The following GAPVD1 variants were observed in gnomAD, a reference collection of about 807,000 sequenced individuals.
The protein encoded by GAPVD1 is GTPase-activating protein and VPS9 domain-containing protein 1.
In GAPVD1, 35 loss-of-function variants were observed where a neutral mutation model predicts 155.5. That is an observed-to-expected ratio of 0.23 (90% CI 0.17 to 0.30). The LOEUF (loss-of-function observed/expected upper bound fraction) is 0.30, where lower values mean the gene tolerates loss of function less well. Among genes scored for constraint, GAPVD1 ranks in the 10% least tolerant of loss-of-function variants. GAPVD1 has a pLI of 1.00. For synonymous variants in GAPVD1, 636 were observed against 619.7 expected (o/e 1.03, Z -0.39); for missense variants, 1,429 against 1,775.7 (o/e 0.80, Z 3.51).
At chr9:125,307,962 A>G in intron 8 of GAPVD1, 82 bp downstream of exon 8, 1 of 968,988 alleles carries the variant, frequency 1.0e-6, no homozygotes, top group Non-Finnish European at 1.7e-6. Flanking sequence ...GTTTTGGAAC[A>G]TATGTTTAAG....
At chr9:125,333,571 C>T (rs1166530227) in intron 15 of GAPVD1, among the ~76,000 whole-genome samples, 2 of 150,876 alleles carry the variant, frequency 1.3e-5, no homozygotes, top group South Asian at 2.1e-4. Context: ...TCACCACAAC[C>T]TCTGTCTCCC....
At chr9:125,309,184 A>G (rs986034468) in intron 8 of GAPVD1, 1 of 152,110 alleles carries the variant, frequency 6.6e-6, no homozygotes, top group Non-Finnish European at 1.5e-5. Context: ...AATCTACCTT[A>G]TATTTAACGT....
chr9:125,264,995 T>C (rs569259707), intron 1 of GAPVD1, among the ~76,000 whole-genome samples: 1 of 152,202 alleles, frequency 6.6e-6, no homozygotes, highest in South Asian at 2.1e-4. Flanking sequence ...CTAGGATTAT[T>C]GGCGTGAGCC....
intron 11 of GAPVD1, among the ~76,000 whole-genome samples, chr9:125,326,001 A>C (rs950640302): frequency 6.6e-6 from 1 of 152,222 alleles, no homozygotes; most frequent in Non-Finnish European, 1.5e-5. Context: ...CCACATATAC[A>C]CTACCTGCCT....
chr9:125,313,820 C>T (rs779548674), intron 9 of GAPVD1, among the ~76,000 whole-genome samples: 4 of 152,222 alleles, frequency 2.6e-5, no homozygotes, highest in Non-Finnish European at 4.4e-5. Flanking sequence ...AGACTGGTCT[C>T]GAACTTCTGA....
At chr9:125,350,159 G>A in intron 21 of GAPVD1, 136 bp from the exon 22 acceptor site, 1 of 599,640 alleles carries the variant, frequency 1.7e-6, no homozygotes. Flanking sequence ...TAAGTGGAGT[G>A]TCAGTTAAGA....
intron 2 of GAPVD1, among the ~76,000 whole-genome samples, chr9:125,293,886 A>ATATATAAATATATTT (rs1564312339): frequency 4.1e-5 from 4 of 98,290 alleles, no homozygotes; most frequent in Non-Finnish European, 7.7e-5. Flanking sequence ...ATATATATAT[A>ATATATAAATATATTT]TATATATATA....
chr9:125,357,891 C>T (rs1850325113), intron 25 of GAPVD1, among the ~76,000 whole-genome samples: 1 of 151,722 alleles, frequency 6.6e-6, no homozygotes, highest in African/African-American at 2.4e-5. Flanking sequence ...AGGAGGATTG[C>T]TTGAACCCAG....
intron 1 of GAPVD1, chr9:125,263,825 G>A (rs1464770304): frequency 1.8e-6 from 2 of 1,119,924 alleles, no homozygotes; most frequent in African/African-American, 1.5e-5. Flanking sequence ...CTATGGCGTA[G>A]GGTAGCAGGT....
In GAPVD1 at chr9:125,364,748, A is replaced by G. The variant is rs1851349857; in HGVS notation, c.*2002A>G. 6.6e-6 allele frequency: 1 copy of G among 152,588 alleles called. No homozygotes were observed. The allele number at this position is 152,588 out of a possible 1,614,324, so 9.5% of individuals were successfully genotyped here. A position where few individuals can be genotyped will look rare whatever the true frequency, so the allele number is the denominator to read the frequency against. ...TGCACTTCATTGGCTGTAACTGTCA[A>G]ACTTGCCTTGTATTAGAAGTTAAAT... On this transcript the variant is annotated 3_prime_UTR_variant, in exon 28 of 28. Transcript: ENST00000297933.
At chr9:125,347,865 G>A (rs935506978) in intron 20 of GAPVD1, among the ~76,000 whole-genome samples, 54 of 152,294 alleles carry the variant, frequency 3.5e-4, no homozygotes, top group African/African-American at 1.2e-3. Flanking sequence ...GCCTCAGAGG[G>A]AGAGTGGGCA....
chr9:125,265,194 T>A (rs1195371019), intron 1 of GAPVD1, among the ~76,000 whole-genome samples: 1 of 152,182 alleles, frequency 6.6e-6, no homozygotes, highest in South Asian at 2.1e-4. Context: ...AGTTCTTGTT[T>A]TGCTGAGGTT....
Position 125,323,974 on chromosome 9 carries a change from T to G in GAPVD1, c.1858+51T>G, listed in dbSNP as rs367596260. 9 of 1,545,020 alleles carry G rather than the reference T, an allele frequency of 5.8e-6. No homozygotes were observed. The African/African-American group carries it at 1.2e-4, about 21-fold the overall frequency. On this transcript the variant is annotated intron_variant, in intron 11 of 27. Coordinates refer to ENST00000297933, the MANE Select transcript of GAPVD1 (RefSeq NM_001282680.3). Reference sequence around the variant, plus strand: ...CTAAGTAGCAAAGAATTTACCTGATTGCAAGATGAGCAGTGTGTTTTCATT... The same window carrying G: ...CTAAGTAGCAAAGAATTTACCTGATGGCAAGATGAGCAGTGTGTTTTCATT...
chr9:125,352,152 G>T (rs938470094), intron 23 of GAPVD1, among the ~76,000 whole-genome samples: 1 of 152,192 alleles, frequency 6.6e-6, no homozygotes, highest in African/African-American at 2.4e-5. Flanking sequence ...TAGGTGCACG[G>T]TGCAAACTGT....
intron 2 of GAPVD1, among the ~76,000 whole-genome samples, chr9:125,283,464 T>C (rs1377166799): frequency 6.6e-6 from 1 of 152,106 alleles, no homozygotes; most frequent in Non-Finnish European, 1.5e-5. Context: ...GCTCAAGTGA[T>C]CCTCTGCCTT....
At chr9:125,326,348 CT>C in intron 11 of GAPVD1, 67 bp from the exon 12 acceptor site, 1 of 1,130,910 alleles carries the variant, frequency 8.8e-7, no homozygotes, top group South Asian at 1.4e-5. Context: ...AGATAAAATT[CT>C]TTAAAGTTGA....
At chr9:125,336,952 T>C in intron 15 of GAPVD1, 66 bp from the exon 16 acceptor site, 1 of 897,354 alleles carries the variant, frequency 1.1e-6, no homozygotes, top group Non-Finnish European at 1.8e-6. Flanking sequence ...TTAAAACCCT[T>C]TAAACTGTGT....
At chr9:125,293,658 TTA>T (rs60489668) in intron 2 of GAPVD1, among the ~76,000 whole-genome samples, 19 of 42,050 alleles carry the variant, frequency 4.5e-4, no homozygotes, top group Non-Finnish European at 6.0e-4. Flanking sequence ...AATATATATA[TTA>T]TATATATAAT....
At chr9:125,355,527 CT>C in intron 24 of GAPVD1, 116 bp from the exon 25 acceptor site, 2 of 654,996 alleles carry the variant, frequency 3.1e-6, no homozygotes, top group South Asian at 4.6e-5. Context: ...ACACTTTTGG[CT>C]TTAAGATCAT....
Sources: gnomAD v4.1 joint callset for allele counts (sites outside exome capture counted in the v4.1 genomes callset) on GRCh38, gnomAD v4.1.1 for gene constraint, MANE v1.5 for transcripts, NCBI Gene and HGNC (gene_info 2026-07-23, HGNC 2026-07-21) for gene names.